The following SIMC1 variants were observed in gnomAD, a reference collection of about 807,000 sequenced individuals.
The protein encoded by SIMC1 is SUMO-interacting motif-containing protein 1.
A neutral mutation model predicts 82.3 loss-of-function variants in SIMC1; 55 were observed. The ratio of observed to expected loss-of-function variants is 0.67; its 90% CI spans 0.54 to 0.84. The LOEUF is 0.84. SIMC1 is among the 40% of genes least tolerant of loss of function. SIMC1 has a pLI of 0.00. For synonymous variants in SIMC1, 353 were observed against 426.3 expected (o/e 0.83, Z 2.12); for missense variants, 915 against 1,107.2 (o/e 0.83, Z 2.46).
intron 4 of SIMC1, chr5:176,308,709 A>T: frequency 6.8e-7 from 1 of 1,481,014 alleles, no homozygotes; most frequent in Non-Finnish European, 9.4e-7. Flanking sequence ...CGAAATCCCA[A>T]TCCATATTGT....
intron 4 of SIMC1, among the ~76,000 whole-genome samples, chr5:176,310,007 G>A (rs1764595720): frequency 6.6e-6 from 1 of 152,180 alleles, no homozygotes; most frequent in Admixed American, 6.5e-5. Context: ...GACGTGAATA[G>A]ATGGTTCACT....
intron 5 of SIMC1, among the ~76,000 whole-genome samples, chr5:176,314,396 A>T (rs1764810221): frequency 6.6e-6 from 1 of 152,228 alleles, no homozygotes; most frequent in Non-Finnish European, 1.5e-5. Flanking sequence ...AGACCAACAG[A>T]CTTCCTTTGG....
At chr5:176,314,069 C>A (rs561856911) in intron 5 of SIMC1, among the ~76,000 whole-genome samples, 1 of 152,156 alleles carries the variant, frequency 6.6e-6, no homozygotes, top group African/African-American at 2.4e-5. Flanking sequence ...GAGTTCGAAA[C>A]CAGCCTGGCC....
At chr5:176,308,129 C>T in intron 4 of SIMC1, 2 of 962,862 alleles carry the variant, frequency 2.1e-6, no homozygotes. Context: ...CCTTGTTTGT[C>T]TCAACCATGC....
In SIMC1 at chr5:176,345,557, T is replaced by C. The variant is rs747164203; in HGVS notation, c.*112T>C. ...AAATCTTACAGGACCAAACCTGCAT[T>C]ATTTAATCAGTAGGTTGTAATTTCT... On this transcript the variant is annotated 3_prime_UTR_variant, in exon 10 of 10. Transcript: ENST00000429602. 3.3e-6 allele frequency: 4 copies of C among 1,198,588 alleles called. No homozygotes were observed. Among genetic ancestry groups the C allele is most frequent in the Non-Finnish European group, 4.5e-6 (4 of 879,612 alleles). 74.2% of individuals were successfully genotyped at this position (1,198,588 alleles called of 1,614,324 possible).
At position 176,301,652 on chromosome 5, in the gene SIMC1, A is replaced by T. The variant is rs776402206; in HGVS notation, c.1734+5332A>T. ...AAATTAACCGAGTATGGTGGCATGC[A>T]CCTGAAATCTCAACTACTGAGGAGG... On this transcript the variant is annotated intron_variant, in intron 4 of 9. Coordinates refer to ENST00000429602, the MANE Select transcript of SIMC1 (RefSeq NM_001308195.2). Among the ~76,000 whole-genome samples, 56 of 152,172 alleles carry T rather than the reference A, an allele frequency of 3.7e-4. 1 individual carries two copies. The Middle Eastern group carries it at 0.014, about 37-fold the overall frequency.
chr5:176,317,754 AT>A (rs1764980441), intron 5 of SIMC1, among the ~76,000 whole-genome samples: 1 of 152,102 alleles, frequency 6.6e-6, no homozygotes, highest in South Asian at 2.1e-4. Flanking sequence ...TAATTATCCT[AT>A]TTTTAAGTTT....
rs370387584 is a variant in SIMC1 at position 176,335,446 on chromosome 5, T to A, written c.2172-1274T>A. Among the ~76,000 whole-genome samples, 12 of 151,742 alleles carry A rather than the reference T, an allele frequency of 7.9e-5. 1 individual carries two copies. The East Asian group carries it at 1.8e-3, about 22-fold the overall frequency. ...TGCACACCACCACGCCTGGCTAATT[T>A]TTTGTGTTTTAGTAGAGACAGGGTA... On this transcript the variant is annotated intron_variant, in intron 7 of 9. Transcript: ENST00000429602.
intron 7 of SIMC1, among the ~76,000 whole-genome samples, chr5:176,330,782 G>A (rs759586668): frequency 4.6e-5 from 7 of 152,142 alleles, no homozygotes; most frequent in Non-Finnish European, 8.8e-5. Flanking sequence ...ATATTCAGAC[G>A]TGAATGGATA....
At chr5:176,243,634 C>T (rs1387707340) in intron 1 of SIMC1, among the ~76,000 whole-genome samples, 7 of 151,930 alleles carry the variant, frequency 4.6e-5, no homozygotes, top group Non-Finnish European at 8.8e-5. Context: ...CAATTTCCCC[C>T]ACCTCAGCCT....
At chr5:176,259,327 G>T (rs188050743) in intron 1 of SIMC1, among the ~76,000 whole-genome samples, 1 of 152,038 alleles carries the variant, frequency 6.6e-6, no homozygotes, top group Non-Finnish European at 1.5e-5. Context: ...AGCCAGGCAT[G>T]GTAGTCCAGC....
chr5:176,320,957 A>G (rs977267482), intron 5 of SIMC1, among the ~76,000 whole-genome samples: 1 of 152,016 alleles, frequency 6.6e-6, no homozygotes, highest in African/African-American at 2.4e-5. Context: ...GCATCTCTCA[A>G]CCTACTCCCA....
chr5:176,254,710 T>C (rs1190708430), intron 1 of SIMC1, among the ~76,000 whole-genome samples: 1 of 151,156 alleles, frequency 6.6e-6, no homozygotes, highest in East Asian at 1.9e-4. Context: ...TTCTCAAATA[T>C]GATGCTCTAG....
intron 4 of SIMC1, among the ~76,000 whole-genome samples, chr5:176,297,432 A>T (rs1428889797): frequency 7.1e-6 from 1 of 141,180 alleles, no homozygotes; most frequent in African/African-American, 2.6e-5. Flanking sequence ...AACCCAGCAG[A>T]TGGAGGTTGC....
At chr5:176,280,644 C>T (rs898791998) in intron 1 of SIMC1, among the ~76,000 whole-genome samples, 6 of 152,088 alleles carry the variant, frequency 3.9e-5, no homozygotes, top group Non-Finnish European at 8.8e-5. Flanking sequence ...GTGACAAAAT[C>T]TCTCAGCATT....
At chr5:176,322,108 C>G (rs907137758) in intron 5 of SIMC1, among the ~76,000 whole-genome samples, 165 bp from the exon 6 acceptor site, 2 of 151,852 alleles carry the variant, frequency 1.3e-5, no homozygotes, top group South Asian at 4.2e-4. Context: ...AGCCAGAGGG[C>G]CCTTTTGTTG....
At chr5:176,296,733 T>A (rs13181592) in intron 4 of SIMC1, 28 of 161,166 alleles carry the variant, frequency 1.7e-4, no homozygotes, top group South Asian at 1.5e-3. Flanking sequence ...CCCTCCTGAT[T>A]CTCCCACCCC....
At chr5:176,322,222 T>G in intron 5 of SIMC1, 51 bp from the exon 6 acceptor site, 1 of 1,507,250 alleles carries the variant, frequency 6.6e-7, no homozygotes, top group South Asian at 1.3e-5. Flanking sequence ...ATTTTTTTTT[T>G]CTGCACAGAA....
intron 1 of SIMC1, among the ~76,000 whole-genome samples, chr5:176,278,911 CTT>C (rs1241806288): frequency 6.6e-6 from 1 of 151,668 alleles, no homozygotes; most frequent in African/African-American, 2.4e-5. Context: ...CTAAAAGTCT[CTT>C]TTTTGGTTGT....
Sources: gnomAD v4.1 joint callset for allele counts (sites outside exome capture counted in the v4.1 genomes callset) on GRCh38, gnomAD v4.1.1 for gene constraint, MANE v1.5 for transcripts, NCBI Gene and HGNC (gene_info 2026-07-23, HGNC 2026-07-21) for gene names.